Variants in ACTR2 observed in about 807,000 individuals in gnomAD.
The protein encoded by ACTR2 is actin-related protein 2.
ACTR2 carries 5 observed loss-of-function variants against 50.2 expected under a neutral mutation model. The observed-to-expected ratio is 0.10, with a 90% CI of 0.05 to 0.21. The LOEUF (loss-of-function observed/expected upper bound fraction) is 0.21. Ranked by LOEUF, ACTR2 falls within the 10% of genes least tolerant of loss-of-function variation. The probability of loss-of-function intolerance (pLI) is 1.00; values close to 1 mark genes in which losing one functional copy is unlikely to be tolerated. For missense variants in ACTR2, 180 were observed against 480.6 expected, an observed-to-expected ratio of 0.37 and a Z score of 5.85; for synonymous variants, 140 against 162.9, an observed-to-expected ratio of 0.86 and a Z score of 1.07.
chr2:65,239,642 G>A (rs1440511576), intron 1 of ACTR2, among the ~76,000 whole-genome samples: 1 of 152,160 alleles, frequency 6.6e-6, no homozygotes, highest in African/African-American at 2.4e-5. Flanking sequence ...TAATTTAGCA[G>A]TAAATAAACA....
In ACTR2 at chr2:65,261,126, A is replaced by C; in HGVS notation, c.736-121A>C. The C allele has an allele frequency of 3.2e-6, 3 of 925,162 alleles. No homozygotes were observed. The East Asian group carries it at 7.9e-5, about 24-fold the overall frequency. 57.3% of individuals were successfully genotyped at this position (925,162 alleles called of 1,614,324 possible). On this transcript the variant is annotated intron_variant, in intron 6 of 8. Coordinates refer to ENST00000260641, the MANE Select transcript of ACTR2 (RefSeq NM_005722.4). ...TTTTCCCCAAATATATTTTAGGAAA[A>C]ATTGTTGTTGGTAATGATTTTGGTT...
intron 8 of ACTR2, among the ~76,000 whole-genome samples, chr2:65,267,055 G>A (rs1672385885): frequency 6.6e-6 from 1 of 152,210 alleles, no homozygotes; most frequent in Non-Finnish European, 1.5e-5. Context: ...TTAAGGTAGT[G>A]TGTGAGAGAG....
intron 1 of ACTR2, 135 bp downstream of exon 1, chr2:65,228,092 T>C: frequency 3.9e-6 from 3 of 765,658 alleles, no homozygotes; most frequent in East Asian, 3.5e-5. Flanking sequence ...GCCTCCCACC[T>C]CCGCGGGCGT....
intron 1 of ACTR2, among the ~76,000 whole-genome samples, chr2:65,228,739 C>G (rs1573142958): frequency 6.6e-6 from 1 of 151,944 alleles, no homozygotes; most frequent in East Asian, 1.9e-4. Context: ...TTTCAGTATA[C>G]AGGTAATGTT....
chr2:65,234,100 G>A (rs1671689523), intron 1 of ACTR2, among the ~76,000 whole-genome samples: 1 of 151,674 alleles, frequency 6.6e-6, no homozygotes, highest in Admixed American at 6.6e-5. Flanking sequence ...TTGTAGAAAT[G>A]GGGTTTTGCT....
chr2:65,237,165 A>G (rs868444769), intron 1 of ACTR2, among the ~76,000 whole-genome samples: 3 of 152,184 alleles, frequency 2.0e-5, no homozygotes, highest in African/African-American at 7.2e-5. Context: ...GAGGGTGCAG[A>G]CTATGATTAC....
intron 1 of ACTR2, among the ~76,000 whole-genome samples, chr2:65,239,337 C>G (rs530318653): frequency 8.5e-5 from 13 of 152,160 alleles, no homozygotes; most frequent in Non-Finnish European, 1.3e-4. Flanking sequence ...GCCTGTAATC[C>G]CAGCTACTTG....
rs70943640 is a variant in ACTR2, at chr2:65,267,862, C to CTTTTTTTTTTTTTTTTTTT, written c.1015-692_1015-674dup. On this transcript the variant is annotated intron_variant, in intron 8 of 8. Transcript: ENST00000260641. Reference sequence around the variant, plus strand: ...ACCTTGAAGAAGTCATGCAAGTCCTCTTTTTTTTTTTTTTTTTTTTTTTTT... The same window carrying CTTTTTTTTTTTTTTTTTTT: ...ACCTTGAAGAAGTCATGCAAGTCCTCTTTTTTTTTTTTTTTTTTTTTTTTTTTTTTTTTTTTTTTTTTTT... 8.2e-4 allele frequency among the ~76,000 whole-genome samples: 39 copies of CTTTTTTTTTTTTTTTTTTT among 47,412 alleles called. 12 individuals are homozygous for CTTTTTTTTTTTTTTTTTTT. Among genetic ancestry groups the CTTTTTTTTTTTTTTTTTTT allele is most frequent in the Non-Finnish European group, 1.2e-3 (31 of 26,196 alleles). 31.1% of individuals were successfully genotyped at this position (47,412 alleles called of 152,430 possible).
intron 3 of ACTR2, among the ~76,000 whole-genome samples, chr2:65,247,505 G>C (rs1042495708): frequency 6.6e-6 from 1 of 152,094 alleles, no homozygotes; most frequent in African/African-American, 2.4e-5. Flanking sequence ...GGAGAATGAC[G>C]TGAACCCTTG....
chr2:65,244,546 A>C (rs1043516731), intron 2 of ACTR2, among the ~76,000 whole-genome samples: 1 of 152,214 alleles, frequency 6.6e-6, no homozygotes, highest in Non-Finnish European at 1.5e-5. Context: ...GATGGATTTC[A>C]AAGTAAGTTG....
At chr2:65,249,664 A>G (rs1193874719) in intron 3 of ACTR2, among the ~76,000 whole-genome samples, 2 of 152,104 alleles carry the variant, frequency 1.3e-5, no homozygotes, top group African/African-American at 4.8e-5. Flanking sequence ...GTGATAGGCA[A>G]CCCTACCAGT....
intron 2 of ACTR2, among the ~76,000 whole-genome samples, chr2:65,244,995 ATAAG>A (rs1267522624): frequency 6.6e-6 from 1 of 151,952 alleles, no homozygotes; most frequent in Non-Finnish European, 1.5e-5. Flanking sequence ...TATTTGAGTA[ATAAG>A]TTAGTAAGTT....
intron 7 of ACTR2, among the ~76,000 whole-genome samples, chr2:65,262,500 C>A (rs1672287652): frequency 6.6e-6 from 1 of 151,600 alleles, no homozygotes; most frequent in African/African-American, 2.4e-5. Context: ...CCTCAGCCTA[C>A]CAAAGTGCTG....
At chr2:65,228,199 G>C (rs1026976894) in intron 1 of ACTR2, 1 of 400,714 alleles carries the variant, frequency 2.5e-6, no homozygotes, top group African/African-American at 2.1e-5. Context: ...GGGCGAGACC[G>C]GCACTGGACA....
intron 1 of ACTR2, among the ~76,000 whole-genome samples, chr2:65,230,412 T>C (rs572158509): frequency 6.8e-6 from 1 of 146,228 alleles, no homozygotes; most frequent in East Asian, 2.0e-4. Context: ...GATTTTTTTT[T>C]TTTTTTTTTT....
intron 8 of ACTR2, among the ~76,000 whole-genome samples, chr2:65,266,469 G>A (rs147812354): frequency 0.012 from 1,772 of 152,258 alleles, 17 homozygotes; most frequent in Middle Eastern, 0.041. Context: ...GGTGGGATAT[G>A]AGGTCAGAAG....
chr2:65,238,395 C>T (rs922095170), intron 1 of ACTR2, among the ~76,000 whole-genome samples: 3 of 151,036 alleles, frequency 2.0e-5, no homozygotes, highest in Non-Finnish European at 4.4e-5. Flanking sequence ...CGCGGTGGCT[C>T]ACGCCTGTAA....
chr2:65,268,362 G>A (rs895469277), intron 8 of ACTR2, among the ~76,000 whole-genome samples: 1 of 152,140 alleles, frequency 6.6e-6, no homozygotes, highest in Non-Finnish European at 1.5e-5. Context: ...CAAGCATGCT[G>A]GGATGGATGT....
At chr2:65,242,268 C>T (rs1333109887) in intron 2 of ACTR2, among the ~76,000 whole-genome samples, 5 of 152,142 alleles carry the variant, frequency 3.3e-5, no homozygotes, top group African/African-American at 1.2e-4. Flanking sequence ...GTACAATGGA[C>T]CAAACAAGAA....
Sources: allele counts gnomAD v4.1 joint callset (sites outside exome capture counted in the v4.1 genomes callset), GRCh38; gene constraint gnomAD v4.1.1; transcripts MANE v1.5; gene names NCBI Gene and HGNC (gene_info 2026-07-23, HGNC 2026-07-21).